ATF7IP: variants seen among roughly 807,000 people sequenced by gnomAD.
ATF7IP encodes activating transcription factor 7 interacting protein.
In ATF7IP, 23 loss-of-function variants were observed where a neutral mutation model predicts 106.4. The observed-to-expected ratio is 0.22, with a 90% confidence interval of 0.16 to 0.31. ATF7IP has a LOEUF of 0.31. Among genes scored for constraint, ATF7IP ranks in the 10% least tolerant of loss-of-function variants. The probability of loss-of-function intolerance (pLI) is 1.00; values close to 1 mark genes in which losing one functional copy is unlikely to be tolerated. For missense variants in ATF7IP, 1,334 were observed against 1,524.3 expected, an observed-to-expected ratio of 0.88 and a Z score of 2.08; for synonymous variants, 542 against 539.0, an observed-to-expected ratio of 1.01 and a Z score of -0.08.
chr12:14,437,913 C>T (rs1026974391), intron 4 of ATF7IP, among the ~76,000 whole-genome samples: 23 of 152,008 alleles, frequency 1.5e-4, no homozygotes, highest in South Asian at 1.0e-3. Flanking sequence ...ATTAGCCGGG[C>T]GTAGTGGCGG....
At chr12:14,371,659 T>A (rs1250741661) in intron 1 of ATF7IP, among the ~76,000 whole-genome samples, 1 of 152,124 alleles carries the variant, frequency 6.6e-6, no homozygotes, top group Non-Finnish European at 1.5e-5. Context: ...GGCTATTTAG[T>A]TTGGGAATCA....
intron 10 of ATF7IP, among the ~76,000 whole-genome samples, chr12:14,474,520 C>T (rs915409505): frequency 1.3e-5 from 2 of 151,792 alleles, no homozygotes; most frequent in Non-Finnish European, 2.9e-5. Flanking sequence ...CCTGCCTCAG[C>T]CTCCCGAGTA....
intron 1 of ATF7IP, among the ~76,000 whole-genome samples, chr12:14,380,606 G>C (rs900133881): frequency 1.3e-5 from 2 of 152,112 alleles, no homozygotes; most frequent in African/African-American, 4.8e-5. Context: ...TTTTGATATA[G>C]TACTTTCAGG....
rs952699738 is a variant in ATF7IP at position 14,412,705 on chromosome 12, C to CT, written c.-7-11194dup. Among the ~76,000 whole-genome samples, 683 of 148,578 alleles carry CT rather than the reference C, an allele frequency of 4.6e-3. 6 individuals carry two copies. Among genetic ancestry groups the CT allele is most frequent in the African/African-American group, 0.016 (644 of 40,658 alleles). On this transcript the variant is annotated intron_variant, in intron 1 of 14. Transcript: ENST00000261168. ...TATCTGTAAATAAAAATAGTTCTTTCTTTTTTTTTTAAGTTGTATGACTTG... is the reference window on the plus strand; with the variant it reads ...TATCTGTAAATAAAAATAGTTCTTTCTTTTTTTTTTTAAGTTGTATGACTTG...
chr12:14,491,331 A>G (rs1207151544), intron 13 of ATF7IP, among the ~76,000 whole-genome samples: 1 of 152,204 alleles, frequency 6.6e-6, no homozygotes, highest in Non-Finnish European at 1.5e-5. Flanking sequence ...TTGGTTATAG[A>G]AAGGGCCAAA....
intron 1 of ATF7IP, among the ~76,000 whole-genome samples, chr12:14,422,806 A>G (rs745802374): frequency 1.3e-5 from 2 of 152,180 alleles, no homozygotes; most frequent in Non-Finnish European, 2.9e-5. Flanking sequence ...CAGTTATGGA[A>G]CATTTAGGTT....
intron 1 of ATF7IP, among the ~76,000 whole-genome samples, chr12:14,407,176 T>C (rs1191357884): frequency 2.6e-5 from 4 of 152,164 alleles, no homozygotes; most frequent in African/African-American, 9.7e-5. Context: ...GGATAACAAG[T>C]AGTGACCAAA....
At chr12:14,377,723 C>T in intron 1 of ATF7IP, among the ~76,000 whole-genome samples, 1 of 151,918 alleles carries the variant, frequency 6.6e-6, no homozygotes, top group East Asian at 1.9e-4. Context: ...AAGTGATTCT[C>T]CTGCCTCAGC....
At chr12:14,369,518 A>G (rs1938447923) in intron 1 of ATF7IP, among the ~76,000 whole-genome samples, 2 of 151,982 alleles carry the variant, frequency 1.3e-5, no homozygotes, top group Admixed American at 1.3e-4. Context: ...CCCTGCTTTT[A>G]GTAGAGACGG....
At chr12:14,461,587 A>AT (rs1465678538) in intron 9 of ATF7IP, among the ~76,000 whole-genome samples, 12 of 152,216 alleles carry the variant, frequency 7.9e-5, no homozygotes, top group African/African-American at 2.7e-4. Flanking sequence ...CAACTTAAAA[A>AT]TAAGTTTTTC....
At chr12:14,455,007 C>T (rs946393274) in intron 6 of ATF7IP, among the ~76,000 whole-genome samples, 1 of 151,836 alleles carries the variant, frequency 6.6e-6, no homozygotes, top group Non-Finnish European at 1.5e-5. Flanking sequence ...GGCAAAACCC[C>T]ACGTCTACTA....
intron 6 of ATF7IP, among the ~76,000 whole-genome samples, chr12:14,449,404 C>T (rs898371535): frequency 6.6e-6 from 1 of 152,010 alleles, no homozygotes; most frequent in Non-Finnish European, 1.5e-5. Flanking sequence ...CTGTCCTTAT[C>T]CCGTTGTGTG....
intron 3 of ATF7IP, among the ~76,000 whole-genome samples, chr12:14,434,804 G>A (rs1238975167): frequency 1.3e-5 from 2 of 152,142 alleles, no homozygotes; most frequent in South Asian, 2.1e-4. Context: ...ATCTTCATGG[G>A]GCCAGATGTA....
chr12:14,385,849 A>G (rs1565473752), intron 1 of ATF7IP, among the ~76,000 whole-genome samples: 5 of 152,064 alleles, frequency 3.3e-5, no homozygotes. Flanking sequence ...TTTGGAAAGA[A>G]GGGTAATTAT....
rs538286460 is a variant in ATF7IP, at chr12:14,408,815, A to G, written c.-7-15094A>G. Among the ~76,000 whole-genome samples the G allele has an allele frequency of 1.8e-4, 28 of 152,240 alleles. No homozygotes were observed. The East Asian group carries it at 5.0e-3, about 27-fold the overall frequency. ...TTACAAGTCTGTTAAAATGTTCTAGATTATTGTCTTTGCTTTCTAAAAGAA... is the reference window on the plus strand; with the variant it reads ...TTACAAGTCTGTTAAAATGTTCTAGGTTATTGTCTTTGCTTTCTAAAAGAA... On this transcript the variant is annotated intron_variant, in intron 1 of 14. Coordinates refer to ENST00000261168, the MANE Select transcript of ATF7IP (RefSeq NM_018179.5).
chr12:14,437,507 T>G (rs979971713), intron 4 of ATF7IP, among the ~76,000 whole-genome samples: 1 of 152,222 alleles, frequency 6.6e-6, no homozygotes, highest in African/African-American at 2.4e-5. Flanking sequence ...GAGAGTTTAC[T>G]TCTTTAGAAC....
chr12:14,383,695 G>C lies in ATF7IP; in HGVS notation c.-8+17868G>C, dbSNP rs928435081. ...AGCCTCTTGAGTAGCTGGAACTACA[G>C]GTTCATATTACCACACCTGCTAATG... On this transcript the variant is annotated intron_variant, in intron 1 of 14. Coordinates refer to ENST00000261168, the MANE Select transcript of ATF7IP (RefSeq NM_018179.5). Among the ~76,000 whole-genome samples the C allele has an allele frequency of 3.9e-4, 59 of 152,222 alleles. No homozygotes were observed. In the South Asian group the frequency reaches 4.6e-3, roughly 12 times the overall value.
intron 1 of ATF7IP, among the ~76,000 whole-genome samples, chr12:14,404,630 GTC>G (rs1940452717): frequency 6.6e-6 from 1 of 151,760 alleles, no homozygotes. Flanking sequence ...TTTTGCATTG[GTC>G]TCTCTTACTG....
At chr12:14,377,135 C>A (rs113571134) in intron 1 of ATF7IP, among the ~76,000 whole-genome samples, 7,520 of 151,702 alleles carry the variant, frequency 0.05, 633 homozygotes, top group African/African-American at 0.17. Context: ...GCTGGGATTA[C>A]AGAAATGCAC....
Sources: gnomAD v4.1 joint callset for allele counts (sites outside exome capture counted in the v4.1 genomes callset) on GRCh38, gnomAD v4.1.1 for gene constraint, MANE v1.5 for transcripts, NCBI Gene and HGNC (gene_info 2026-07-23, HGNC 2026-07-21) for gene names.